Variants in NEK1 observed in about 807,000 individuals in gnomAD.
The protein encoded by NEK1 is NIMA related kinase 1.
NEK1 carries 137 observed loss-of-function variants against 182.1 expected under a neutral mutation model. The observed-to-expected ratio is 0.75, with a 90% confidence interval of 0.65 to 0.87. The LOEUF (loss-of-function observed/expected upper bound fraction) is 0.87, where lower values mean the gene tolerates loss of function less well. Ranked by LOEUF, NEK1 falls within the 40% of genes least tolerant of loss-of-function variation. The pLI is 0.00. For missense variants in NEK1, 1,391 were observed against 1,494.4 expected (o/e 0.93, Z 1.14); for synonymous variants, 513 against 492.2 (o/e 1.04, Z -0.56).
Position 169,393,315 on chromosome 4 carries a change from AAC to A in NEK1, c.*1193_*1194del, listed in dbSNP as rs1381399389. ...AATTTAATAGCAATATCATAAAATA[AAC>A]ACACATATTAAAAAATCAAGTATTT... On this transcript the variant is annotated 3_prime_UTR_variant, in exon 36 of 36. Transcript: ENST00000507142. 2.6e-5 allele frequency: 4 copies of A among 152,202 alleles called. No homozygotes were observed. Among genetic ancestry groups the A allele is most frequent in the African/African-American group, 9.7e-5 (4 of 41,446 alleles). The allele number at this position is 152,202 out of a possible 1,614,324, so 9.4% of individuals were successfully genotyped here. A position where few individuals can be genotyped will look rare whatever the true frequency, so the allele number is the denominator to read the frequency against.
intron 5 of NEK1, among the ~76,000 whole-genome samples, chr4:169,594,456 C>G (rs1769093429): frequency 6.6e-6 from 1 of 152,168 alleles, no homozygotes; most frequent in Non-Finnish European, 1.5e-5. Context: ...AGAAAGTAAG[C>G]TTACCATTTA....
intron 26 of NEK1, among the ~76,000 whole-genome samples, chr4:169,475,409 G>T (rs976607062): frequency 1.3e-5 from 2 of 152,034 alleles, no homozygotes; most frequent in African/African-American, 4.8e-5. Context: ...ACATGGCTCT[G>T]ATCTCACCTC....
intron 12 of NEK1, among the ~76,000 whole-genome samples, chr4:169,574,177 A>C (rs886688258): frequency 2.6e-5 from 4 of 152,202 alleles, no homozygotes; most frequent in Admixed American, 2.6e-4. Context: ...AGAAAAGAGA[A>C]AGAAAGAAAA....
intron 26 of NEK1, among the ~76,000 whole-genome samples, chr4:169,468,066 C>G (rs1056162738): frequency 6.6e-6 from 1 of 151,874 alleles, no homozygotes. Flanking sequence ...CAATATCAAA[C>G]AAAGAAAACT....
Position 169,427,528 on chromosome 4 carries a change from T to C in NEK1, c.2886-1294A>G, listed in dbSNP as rs183964641. The stretch of plus-strand genomic sequence containing the variant: ...TTATTTATTTTTGAGAGAGTCTCAC[T>C]CTGCCACCCAGGCTGGAGTGCAGTG... On this transcript the variant is annotated intron_variant, in intron 29 of 35. Coordinates refer to ENST00000507142, the MANE Select transcript of NEK1 (RefSeq NM_001199397.3). 3.6e-3 allele frequency among the ~76,000 whole-genome samples: 552 copies of C among 152,082 alleles called. 3 individuals carry two copies. Among genetic ancestry groups the C allele is most frequent in the South Asian group, 0.022 (105 of 4,820 alleles).
rs755190149 is a variant in NEK1, at chr4:169,426,232, G to T, written c.2888C>A (p.Ser963Ter). Reference protein sequence around the residue: ...SEEKETKETQSADRITIQENE... With the variant: ...SEEKETKETQ Reference sequence around the variant, plus strand: ...TTCCTGAATGGTGATCCTATCTGCCGACCTGCCACAGATGGGTACACCAAT... The same window carrying T: ...TTCCTGAATGGTGATCCTATCTGCCTACCTGCCACAGATGGGTACACCAAT... The change falls in exon 30 of 36, where the codon TCG becomes TAG. Residue 963 changes from serine to a stop codon, truncating the protein, a stop_gained and splice_region_variant. Coordinates refer to ENST00000507142, the MANE Select transcript of NEK1 (RefSeq NM_001199397.3). LOFTEE classifies it high-confidence loss of function. 1.2e-6 allele frequency: 2 copies of T among 1,612,250 alleles called. No individual in the cohort carries two copies. The highest frequency in any genetic ancestry group is 1.1e-5 in the South Asian group (1 of 90,640).
chr4:169,570,960 T>G (rs1199309186), intron 12 of NEK1, among the ~76,000 whole-genome samples: 1 of 151,990 alleles, frequency 6.6e-6, no homozygotes, highest in Non-Finnish European at 1.5e-5. Context: ...TGTGCTTTGT[T>G]AAACAGATGC....
At chr4:169,513,613 T>G (rs144702416) in intron 19 of NEK1, among the ~76,000 whole-genome samples, 20 of 152,310 alleles carry the variant, frequency 1.3e-4, no homozygotes, top group African/African-American at 4.8e-4. Flanking sequence ...CAAATATGAG[T>G]GGTAAAAGTT....
At chr4:169,531,766 A>C (rs1757716703) in intron 19 of NEK1, among the ~76,000 whole-genome samples, 1 of 152,190 alleles carries the variant, frequency 6.6e-6, no homozygotes, top group Non-Finnish European at 1.5e-5. Context: ...GCTAACTCAG[A>C]AAATAGGGTT....
chr4:169,502,157 T>C (rs1752526095), intron 23 of NEK1, among the ~76,000 whole-genome samples: 2 of 151,604 alleles, frequency 1.3e-5, no homozygotes, highest in Non-Finnish European at 2.9e-5. Flanking sequence ...AACAAATTCT[T>C]GGAAACACAC....
chr4:169,442,455 C>T (rs138911560), intron 27 of NEK1, among the ~76,000 whole-genome samples: 4 of 152,026 alleles, frequency 2.6e-5, no homozygotes, highest in East Asian at 3.9e-4. Flanking sequence ...TCTTTGCCTA[C>T]GAAAGTCAAT....
At chr4:169,425,213 G>A (rs1736168350) in intron 30 of NEK1, among the ~76,000 whole-genome samples, 1 of 150,814 alleles carries the variant, frequency 6.6e-6, no homozygotes, top group East Asian at 1.9e-4. Flanking sequence ...GATTGCTTGA[G>A]GCCAGGAGTT....
intron 12 of NEK1, among the ~76,000 whole-genome samples, chr4:169,575,125 G>A (rs768671528): frequency 1.3e-4 from 20 of 152,164 alleles, no homozygotes; most frequent in Non-Finnish European, 1.2e-4. Context: ...GAAAGCTGGA[G>A]TCCTAGGCTT....
intron 18 of NEK1, among the ~76,000 whole-genome samples, chr4:169,546,648 T>A (rs746705167): frequency 3.3e-5 from 5 of 152,228 alleles, no homozygotes; most frequent in Non-Finnish European, 5.9e-5. Flanking sequence ...GCTTTATGAA[T>A]CTGGGTGCTC....
intron 22 of NEK1, among the ~76,000 whole-genome samples, chr4:169,507,437 G>A (rs1753494014): frequency 6.6e-6 from 1 of 151,842 alleles, no homozygotes; most frequent in South Asian, 2.1e-4. Context: ...TCATGGGGAT[G>A]TATATTCGTA....
At chr4:169,432,243 T>A (rs1437846879) in intron 29 of NEK1, among the ~76,000 whole-genome samples, 2 of 152,118 alleles carry the variant, frequency 1.3e-5, no homozygotes, top group Non-Finnish European at 2.9e-5. Context: ...AAAAGTTTGA[T>A]GAGAAAAGTT....
chr4:169,588,480 AAT>A (rs1485267090), intron 8 of NEK1, among the ~76,000 whole-genome samples, 167 bp downstream of exon 8: 1 of 152,152 alleles, frequency 6.6e-6, no homozygotes, highest in Non-Finnish European at 1.5e-5. Flanking sequence ...AAGATAATCA[AAT>A]AGCTTTTTTA....
chr4:169,537,318 T>C (rs905978055), intron 19 of NEK1, among the ~76,000 whole-genome samples: 1 of 152,220 alleles, frequency 6.6e-6, no homozygotes, highest in Non-Finnish European at 1.5e-5. Context: ...TTTAGTTAAA[T>C]GGCATAACTG....
At position 169,477,417 on chromosome 4, in the gene NEK1, G is replaced by A. The variant is rs377301531; in HGVS notation, c.2205+15C>T. 2.2e-5 allele frequency: 35 copies of A among 1,593,008 alleles called. No individual in the cohort carries two copies. In the African/African-American group the frequency reaches 4.6e-4, roughly 21 times the overall value. ...TTAAGTAAAATGATTGATAAACTTT[G>A]AAAATTTTACTTACTGAAATAGCAT... On this transcript the variant is annotated intron_variant, in intron 25 of 35. Coordinates refer to ENST00000507142, the MANE Select transcript of NEK1 (RefSeq NM_001199397.3).
Sources: allele counts gnomAD v4.1 joint callset (sites outside exome capture counted in the v4.1 genomes callset), GRCh38; gene constraint gnomAD v4.1.1; transcripts MANE v1.5; gene names NCBI Gene and HGNC (gene_info 2026-07-23, HGNC 2026-07-21).